Variants in TSHZ3 observed in about 807,000 individuals in gnomAD.
TSHZ3 encodes teashirt homolog 3.
Under a neutral mutation model 64.5 loss-of-function variants are expected in TSHZ3, and 10 were observed. That is an observed-to-expected ratio of 0.16 (90% confidence interval 0.10 to 0.26). The LOEUF is 0.26. Ranked by LOEUF, TSHZ3 falls within the 10% of genes least tolerant of loss-of-function variation. The probability of loss-of-function intolerance (pLI) is 1.00; values close to 1 mark genes in which losing one functional copy is unlikely to be tolerated. For missense variants in TSHZ3, 1,242 were observed against 1,421.7 expected (o/e 0.87, Z 2.03); for synonymous variants, 608 against 593.1 (o/e 1.03, Z -0.36).
At chr19:31,190,318 A>G (rs187652194) in intron 5 of TSHZ3, among the ~76,000 whole-genome samples, 2 of 152,310 alleles carry the variant, frequency 1.3e-5, no homozygotes, top group Admixed American at 6.5e-5. Flanking sequence ...GAAAGCTACA[A>G]GACAGAATGT....
At chr19:31,233,098 T>C (rs771754157) in intron 3 of TSHZ3, among the ~76,000 whole-genome samples, 68 of 152,212 alleles carry the variant, frequency 4.5e-4, no homozygotes, top group Non-Finnish European at 8.1e-4. Context: ...ATGGAGTTGC[T>C]GAGTCATTTG....
At chr19:31,189,013 T>A (rs1329725699) in intron 5 of TSHZ3, among the ~76,000 whole-genome samples, 1 of 151,966 alleles carries the variant, frequency 6.6e-6, no homozygotes, top group Non-Finnish European at 1.5e-5. Context: ...AATTTTTATC[T>A]TTCAATGTAT....
At chr19:31,158,885 G>A (rs1974337115) in intron 5 of TSHZ3, among the ~76,000 whole-genome samples, 1 of 152,132 alleles carries the variant, frequency 6.6e-6, no homozygotes, top group African/African-American at 2.4e-5. Context: ...CTGACAGGAG[G>A]TAGAGCTCAG....
Position 31,349,180 on chromosome 19 carries a change from C to T in TSHZ3, c.40G>A (p.Ala14Thr). ...RKQQAPRRAA[A>T]YVSEELKAAA... ...AGAAGGAAGGGGAAGCGGCTCGTAC[C>T]TGCTGCGCGCCGGGGCGCCTGCTGC... The change falls in exon 1 of 2, where the codon GCC becomes ACC. Residue 14 changes from alanine (A) to threonine (T), a missense_variant and splice_region_variant. Around this residue, in one of 4 missense-constraint regions of TSHZ3, gnomAD observed 555 missense variants for 704.0 expected, o/e 0.79. Coordinates refer to ENST00000240587, the MANE Select transcript of TSHZ3 (RefSeq NM_020856.4). 1 of 1,542,382 alleles carries T rather than the reference C, an allele frequency of 6.5e-7. No homozygotes were observed. Among genetic ancestry groups the T allele is most frequent in the Non-Finnish European group, 8.7e-7 (1 of 1,144,580 alleles).
rs746695797 is a variant in TSHZ3, at chr19:31,277,776, G to T, written c.2017C>A (p.Pro673Thr). The T allele has an allele frequency of 2.0e-6, 3 of 1,534,324 alleles. No homozygotes were observed. The highest frequency in any genetic ancestry group is 1.3e-5 in the South Asian group (1 of 76,474). The change falls in exon 2 of 2, where the codon CCC becomes ACC. Residue 673 changes from proline (P) to threonine (T), a missense_variant. Coordinates refer to ENST00000240587, the MANE Select transcript of TSHZ3 (RefSeq NM_020856.4). This position sits in a 1 kb window ranked among gnomAD's most constrained non-coding sequence, Gnocchi z 4.5. ...CCATCCTTGCACCCATCCCGCGGGG[G>T]GCTGGGGCTGTTCTCCTGGCTGCGG... ...GFRSQENSPS[P>T]PRDGCKDGSP... is the part of the protein sequence containing the mutation.
intron 1 of TSHZ3, among the ~76,000 whole-genome samples, chr19:31,343,672 A>C (rs773793244): frequency 1.2e-4 from 18 of 151,998 alleles, no homozygotes; most frequent in Non-Finnish European, 2.5e-4. Flanking sequence ...GGTCACAAAC[A>C]GTGACCTGAA....
intron 5 of TSHZ3, among the ~76,000 whole-genome samples, chr19:31,163,511 C>A (rs1026997524): frequency 6.6e-6 from 1 of 152,114 alleles, no homozygotes; most frequent in Non-Finnish European, 1.5e-5. Context: ...GTGGGCGGAT[C>A]ACTTGAGGTC....
intron 1 of TSHZ3, among the ~76,000 whole-genome samples, chr19:31,252,121 T>C (rs960858318): frequency 6.6e-6 from 1 of 152,218 alleles, no homozygotes; most frequent in Non-Finnish European, 1.5e-5. Flanking sequence ...ACATTAAACA[T>C]GGTGGCTTAA....
At chr19:31,163,122 C>T (rs1974391307) in intron 5 of TSHZ3, among the ~76,000 whole-genome samples, 1 of 152,166 alleles carries the variant, frequency 6.6e-6, no homozygotes, top group Non-Finnish European at 1.5e-5. Flanking sequence ...AGGAGGTAAA[C>T]TAGTGGGCCT....
chr19:31,341,646 C>CAT (rs1917443066), intron 1 of TSHZ3, among the ~76,000 whole-genome samples: 1 of 138,640 alleles, frequency 7.2e-6, no homozygotes, highest in South Asian at 2.1e-4. Flanking sequence ...CACACACACA[C>CAT]ACACACACAC....
At chr19:31,165,849 T>C (rs1292935399) in intron 5 of TSHZ3, among the ~76,000 whole-genome samples, 1 of 152,236 alleles carries the variant, frequency 6.6e-6, no homozygotes, top group African/African-American at 2.4e-5. Flanking sequence ...TTTATTTGTA[T>C]TGGTAAAACT....
chr19:31,259,555 T>C (rs1436868377), intron 1 of TSHZ3, among the ~76,000 whole-genome samples: 1 of 151,478 alleles, frequency 6.6e-6, no homozygotes, highest in Non-Finnish European at 1.5e-5. Context: ...TGGTCCTGGG[T>C]GCAGAGGGAG....
At chr19:31,219,685 G>A (rs2132602) in intron 4 of TSHZ3, among the ~76,000 whole-genome samples, 2,230 of 151,438 alleles carry the variant, frequency 0.015, 49 homozygotes, top group African/African-American at 0.051. Context: ...TCTCATTTCA[G>A]GACTTACTTT....
At chr19:31,187,225 A>T (rs540214826) in intron 5 of TSHZ3, among the ~76,000 whole-genome samples, 16 of 152,236 alleles carry the variant, frequency 1.1e-4, no homozygotes, top group East Asian at 7.7e-4. Flanking sequence ...TAGTTTTTTT[A>T]AAAAATAAAT....
chr19:31,325,239 G>A (rs1333814522), intron 1 of TSHZ3, among the ~76,000 whole-genome samples: 1 of 152,158 alleles, frequency 6.6e-6, no homozygotes, highest in Non-Finnish European at 1.5e-5. Context: ...CACCCTCAGT[G>A]CTTTCACTGG....
At chr19:31,312,473 T>G (rs545438830) in intron 1 of TSHZ3, among the ~76,000 whole-genome samples, 11 of 152,232 alleles carry the variant, frequency 7.2e-5, no homozygotes, top group African/African-American at 2.4e-4. Flanking sequence ...GGACACTCCA[T>G]TGCTGGCTGG....
At position 31,279,364 on chromosome 19, in the gene TSHZ3, C is replaced by T. The variant is rs757745397; in HGVS notation, c.429G>A (p.Ser143=). Residue 143 remains serine (S), a synonymous_variant, in exon 2 of 2, where the codon TCG becomes TCA. Coordinates refer to ENST00000240587, the MANE Select transcript of TSHZ3 (RefSeq NM_020856.4). This position sits in a 1 kb window ranked among gnomAD's most constrained non-coding sequence, Gnocchi z 6.4. ...TGCTGCTGCTGCCGTTGTTCTTCTC[C>T]GAGGAGGGCTGGTGCAGGTTGAGGT... ...NLNLNLHQPS[S]EKNNGSSSSS... The T allele has an allele frequency of 3.0e-5, 48 of 1,614,010 alleles. No homozygotes were observed. The highest frequency in any genetic ancestry group is 3.3e-4 in the Middle Eastern group (2 of 6,084).
chr19:31,178,536 G>T (rs146522492), intron 5 of TSHZ3, among the ~76,000 whole-genome samples: 3 of 152,206 alleles, frequency 2.0e-5, no homozygotes, highest in Non-Finnish European at 4.4e-5. Context: ...AAAAGTAGCC[G>T]GGCGTGGTGG....
At chr19:31,255,434 C>A (rs1975896873) in intron 1 of TSHZ3, among the ~76,000 whole-genome samples, 1 of 152,228 alleles carries the variant, frequency 6.6e-6, no homozygotes, top group East Asian at 1.9e-4. Flanking sequence ...TCACTAAAGG[C>A]CTGGGGGATT....
Sources: allele counts gnomAD v4.1 joint callset (sites outside exome capture counted in the v4.1 genomes callset), GRCh38; gene constraint gnomAD v4.1.1; regional missense constraint gnomAD v4.1.1; non-coding constraint Gnocchi (gnomAD v3.1); transcripts MANE v1.5; gene names NCBI Gene and HGNC (gene_info 2026-07-23, HGNC 2026-07-21).